Variants in PTPA observed in about 807,000 individuals in gnomAD.
PTPA encodes serine/threonine-protein phosphatase 2A activator.
PTPA carries 13 observed loss-of-function variants against 43.6 expected under a neutral mutation model. That is an observed-to-expected ratio of 0.30 (90% CI 0.19 to 0.47). The LOEUF is 0.47. PTPA is among the 20% of genes least tolerant of loss of function. PTPA has a pLI of 0.99. For missense variants in PTPA, 329 were observed against 411.9 expected (o/e 0.80, Z 1.74); for synonymous variants, 172 against 158.2 (o/e 1.09, Z -0.66).
Position 129,137,652 on chromosome 9 carries a change from A to G in PTPA, c.746A>G (p.Lys249Arg), listed in dbSNP as rs1260533835. 3 of 1,612,534 alleles carry G rather than the reference A, an allele frequency of 1.9e-6. No homozygotes were observed. The highest frequency in any genetic ancestry group is 2.5e-6 in the Non-Finnish European group (3 of 1,179,286). Residue 249 changes from lysine (K) to arginine (R), a missense_variant, in exon 8 of 10, where the codon AAG becomes AGG. Transcript: ENST00000393370. ...VDEKAVNENHKDYMFLECILF... is the reference protein window; with the variant it reads ...VDEKAVNENHRDYMFLECILF... ...GAGAAGGCCGTGAATGAGAACCACA[A>G]GGACTACATGTTCCTGGAGTGTATC... is the stretch of plus-strand genomic sequence containing the variant.
intron 1 of PTPA, chr9:129,112,011 G>A (rs1848539001): frequency 4.3e-6 from 1 of 231,274 alleles, no homozygotes; most frequent in Non-Finnish European, 8.3e-6. Context: ...TGATTCCGGA[G>A]GCTGCCGTCT....
intron 3 of PTPA, 112 bp from the exon 4 acceptor site, chr9:129,128,873 C>A: frequency 7.5e-7 from 1 of 1,327,774 alleles, no homozygotes. Flanking sequence ...GGGGAGAGTT[C>A]CCAGTAGGGG....
intron 8 of PTPA, among the ~76,000 whole-genome samples, chr9:129,141,360 C>T (rs1262451977): frequency 3.3e-5 from 5 of 152,054 alleles, no homozygotes; most frequent in Non-Finnish European, 4.4e-5. Context: ...CCCTGACACC[C>T]GCATGTTTCT....
At chr9:129,143,347 C>T (rs892868999) in intron 9 of PTPA, 10 of 702,394 alleles carry the variant, frequency 1.4e-5, no homozygotes, top group African/African-American at 7.0e-5. Context: ...AGTGATGGGT[C>T]CTTAAAGTCC....
chr9:129,144,839 C>T (rs944609129), intron 9 of PTPA, among the ~76,000 whole-genome samples: 3 of 151,688 alleles, frequency 2.0e-5, no homozygotes, highest in Admixed American at 6.6e-5. Flanking sequence ...TCGAGACCAA[C>T]CTGGGCAACA....
intron 1 of PTPA, 80 bp downstream of exon 1, chr9:129,111,711 G>T: frequency 8.0e-7 from 1 of 1,245,134 alleles, no homozygotes. Flanking sequence ...AGGAGGGCGA[G>T]AGTCATGACA....
At chr9:129,114,491 A>G (rs962281101) in intron 1 of PTPA, among the ~76,000 whole-genome samples, 1 of 152,174 alleles carries the variant, frequency 6.6e-6, no homozygotes, top group Non-Finnish European at 1.5e-5. Flanking sequence ...ACTATAGGCT[A>G]CTATACTTTC....
At chr9:129,127,016 G>A (rs769578261) in intron 3 of PTPA, among the ~76,000 whole-genome samples, 1 of 152,098 alleles carries the variant, frequency 6.6e-6, no homozygotes, top group Non-Finnish European at 1.5e-5. Context: ...GTAAGCCCCC[G>A]TTTCTGCATG....
chr9:129,111,002 C>T, upstream of PTPA: 2 of 1,371,248 alleles, frequency 1.5e-6, no homozygotes, highest in Non-Finnish European at 2.0e-6. Flanking sequence ...TGTCTCTCCC[C>T]TGTCCCCACA....
intron 2 of PTPA, among the ~76,000 whole-genome samples, chr9:129,121,141 G>A (rs1263896917): frequency 1.3e-5 from 2 of 152,200 alleles, no homozygotes; most frequent in South Asian, 2.1e-4. Context: ...TCAGGCTTGT[G>A]GTACAGGCTG....
rs145208157 is a variant in PTPA at position 129,130,635 on chromosome 9, C to T, written c.343-887C>T. On this transcript the variant is annotated intron_variant, in intron 4 of 9. Coordinates refer to ENST00000393370, the MANE Select transcript of PTPA (RefSeq NM_178000.3). ...CTCGAAATCCTGGCCTCAGGTGATC[C>T]GCCCACCTTGGCCTCCTAAAGTGTT... Among the ~76,000 whole-genome samples the T allele has an allele frequency of 7.2e-5, 11 of 152,224 alleles. No homozygotes were observed. The East Asian group carries it at 7.7e-4, about 11-fold the overall frequency.
intron 2 of PTPA, among the ~76,000 whole-genome samples, chr9:129,122,250 G>A (rs1439982412): frequency 1.3e-5 from 2 of 152,030 alleles, no homozygotes; most frequent in African/African-American, 4.8e-5. Flanking sequence ...CCACAGGCAC[G>A]TACCACCACA....
At chr9:129,133,843 C>T (rs553510724) in intron 5 of PTPA, among the ~76,000 whole-genome samples, 1 of 152,348 alleles carries the variant, frequency 6.6e-6, no homozygotes, top group East Asian at 1.9e-4. Context: ...TAGTGTTCCT[C>T]AAACAGATCA....
At chr9:129,118,414 G>A (rs568208394) in intron 1 of PTPA, among the ~76,000 whole-genome samples, 1 of 150,552 alleles carries the variant, frequency 6.6e-6, no homozygotes, top group East Asian at 2.0e-4. Context: ...CACTCTTGTT[G>A]CCTAGGCTGG....
intron 6 of PTPA, among the ~76,000 whole-genome samples, chr9:129,136,102 G>A (rs959550603): frequency 2.6e-5 from 4 of 152,156 alleles, no homozygotes; most frequent in South Asian, 2.1e-4. Context: ...AGAGTAGCTG[G>A]GACCACAGGC....
intron 1 of PTPA, chr9:129,119,572 A>G (rs1200880370): frequency 6.6e-6 from 1 of 151,780 alleles, no homozygotes; most frequent in African/African-American, 2.4e-5. Context: ...CGCCTGGCTA[A>G]TTTTTTTGTA....
chr9:129,133,540 C>T (rs1850131415), intron 5 of PTPA, among the ~76,000 whole-genome samples: 1 of 152,226 alleles, frequency 6.6e-6, no homozygotes, highest in Non-Finnish European at 1.5e-5. Context: ...TTCTCACCTC[C>T]CTCCAGATAG....
At chr9:129,123,679 T>A (rs1849399641) in intron 3 of PTPA, among the ~76,000 whole-genome samples, 1 of 152,082 alleles carries the variant, frequency 6.6e-6, no homozygotes, top group Non-Finnish European at 1.5e-5. Context: ...AATTGGTTTT[T>A]TCTTTCTTTT....
intron 8 of PTPA, among the ~76,000 whole-genome samples, chr9:129,140,530 G>C (rs1046541346): frequency 1.3e-5 from 2 of 152,216 alleles, no homozygotes; most frequent in Non-Finnish European, 2.9e-5. Flanking sequence ...TTGAGGATCT[G>C]TTCTTTGGCC....
Sources: gnomAD v4.1 joint callset for allele counts (sites outside exome capture counted in the v4.1 genomes callset) on GRCh38, gnomAD v4.1.1 for gene constraint, MANE v1.5 for transcripts, NCBI Gene and HGNC (gene_info 2026-07-23, HGNC 2026-07-21) for gene names.